OR10R2: variants seen among roughly 807,000 people sequenced by gnomAD.
The protein encoded by OR10R2 is olfactory receptor 10R2.
OR10R2 carries 1 observed loss-of-function variant against 2.4 expected under a neutral mutation model. That is an observed-to-expected ratio of 0.41 (90% confidence interval 0.15 to 1.95). The LOEUF (loss-of-function observed/expected upper bound fraction) is 1.95, where lower values mean the gene tolerates loss of function less well. Ranked by LOEUF, OR10R2 falls within the 30% of genes most tolerant of loss-of-function variation. The pLI is 0.30. For missense variants in OR10R2, 419 were observed against 373.0 expected (o/e 1.12, Z -1.01); for synonymous variants, 166 against 144.8 (o/e 1.15, Z -1.05).
chr1:158,473,774 T>TCCTTCCTC lies in OR10R2; in HGVS notation c.27+1425_27+1426insTCCTCCCT, dbSNP rs1557874930. On this transcript the variant is annotated intron_variant, in intron 1 of 1. Coordinates refer to ENST00000641067, the Ensembl canonical transcript of OR10R2. ...CTTTCTTTATCCTTCCTTCCTTCCT[T>TCCTTCCTC]CCTCCCTCCTTCCCTCTTTCCCTCT... Among the ~76,000 whole-genome samples, 16 of 34,244 alleles carry TCCTTCCTC rather than the reference T, an allele frequency of 4.7e-4. 1 individual carries two copies. The highest frequency in any genetic ancestry group is 1.3e-3 in the East Asian group (2 of 1,552). The allele number at this position is 34,244 out of a possible 152,430, so 22.5% of individuals were successfully genotyped here.
At chr1:158,474,711 GCA>G (rs1341351746) in intron 1 of OR10R2, 1 of 152,154 alleles carries the variant, frequency 6.6e-6, no homozygotes, top group Non-Finnish European at 1.5e-5. Context: ...CACCTAGTAT[GCA>G]TGCACACATA....
chr1:158,480,284 G>A (rs1404738861), exon 2 of OR10R2: 4 of 1,613,968 alleles, frequency 2.5e-6, no homozygotes, highest in Non-Finnish European at 3.4e-6. Context: ...CTGCTATTGG[G>A]TGTGATGGGT....
intron 1 of OR10R2, among the ~76,000 whole-genome samples, chr1:158,476,547 CAAAA>C (rs11291030): frequency 1.8e-5 from 2 of 110,032 alleles, no homozygotes; most frequent in Admixed American, 9.8e-5. Context: ...GACTCCATCT[CAAAA>C]AAAAAAAAAA....
At chr1:158,475,571 T>C (rs976108103) in intron 1 of OR10R2, among the ~76,000 whole-genome samples, 2 of 151,820 alleles carry the variant, frequency 1.3e-5, no homozygotes, top group South Asian at 4.2e-4. Flanking sequence ...CTTTTATCTG[T>C]TTTCTTCTTC....
At chr1:158,480,367 C>T (rs770457499) in exon 2 of OR10R2, 4 of 1,614,106 alleles carry the variant, frequency 2.5e-6, no homozygotes, top group Middle Eastern at 1.6e-4. Flanking sequence ...GTGTGGAAAA[C>T]TGGCAGCTGC....
At chr1:158,480,517 G>A in exon 2 of OR10R2, 4 of 1,613,580 alleles carry the variant, frequency 2.5e-6, no homozygotes, top group South Asian at 2.2e-5. Flanking sequence ...CAACACAGAT[G>A]TTAACGAATT....
exon 2 of OR10R2, chr1:158,480,796 C>G: frequency 6.2e-7 from 1 of 1,613,390 alleles, no homozygotes; most frequent in Non-Finnish European, 8.5e-7. Context: ...ATTACTAAAC[C>G]CCATGGTTTA....
intron 1 of OR10R2, among the ~76,000 whole-genome samples, chr1:158,478,487 T>C (rs1017559417): frequency 4.6e-5 from 7 of 152,210 alleles, no homozygotes; most frequent in Non-Finnish European, 1.0e-4. Context: ...TTGTCTTCTC[T>C]TATACTAAGA....
At chr1:158,475,847 A>T (rs1005022673) in intron 1 of OR10R2, among the ~76,000 whole-genome samples, 1 of 151,894 alleles carries the variant, frequency 6.6e-6, no homozygotes, top group African/African-American at 2.4e-5. Context: ...TTTTATTAAC[A>T]TATAAATTTT....
exon 2 of OR10R2, chr1:158,480,516 T>G: frequency 1.2e-6 from 2 of 1,613,616 alleles, no homozygotes; most frequent in Non-Finnish European, 1.7e-6. Context: ...CCAACACAGA[T>G]GTTAACGAAT....
At chr1:158,474,515 A>T (rs1255407700) in intron 1 of OR10R2, 2 of 152,312 alleles carry the variant, frequency 1.3e-5, no homozygotes, top group East Asian at 3.9e-4. Flanking sequence ...AAGATTCCAT[A>T]GTTCTGGCTC....
intron 1 of OR10R2, among the ~76,000 whole-genome samples, chr1:158,479,062 T>C (rs898629299): frequency 1.3e-5 from 2 of 152,296 alleles, no homozygotes; most frequent in African/African-American, 4.8e-5. Context: ...CAACTTACAA[T>C]TGTTTCTATC....
At chr1:158,472,991 G>T (rs1656192085) in intron 1 of OR10R2, among the ~76,000 whole-genome samples, 1 of 152,148 alleles carries the variant, frequency 6.6e-6, no homozygotes, top group South Asian at 2.1e-4. Context: ...CTAAGATTCA[G>T]GAGGATTAAT....
chr1:158,473,162 G>A (rs887023696), intron 1 of OR10R2, among the ~76,000 whole-genome samples: 3 of 152,104 alleles, frequency 2.0e-5, no homozygotes, highest in Non-Finnish European at 4.4e-5. Flanking sequence ...ATTTATTTAG[G>A]TATTAATTTG....
At chr1:158,473,165 T>C (rs1656194713) in intron 1 of OR10R2, among the ~76,000 whole-genome samples, 1 of 152,222 alleles carries the variant, frequency 6.6e-6, no homozygotes, top group Non-Finnish European at 1.5e-5. Flanking sequence ...TATTTAGGTA[T>C]TAATTTGCTT....
In OR10R2 at chr1:158,480,761, C is replaced by T. The variant is rs142790175; in HGVS notation, c.851C>T (p.Thr284Met). ...GTGTCCAACAAAGACAGGCTGGTGA[C>T]GGTGACATACACGATTGTCACTCCA... Residue 284 changes from threonine to methionine, a missense_variant, in exon 2 of 2, where the codon ACG becomes ATG. Transcript: ENST00000641067. 929 of 1,613,266 alleles carry T rather than the reference C, an allele frequency of 5.8e-4. 3 individuals carry two copies. The highest frequency in any genetic ancestry group is 7.0e-4 in the Non-Finnish European group (829 of 1,179,402).
intron 1 of OR10R2, 198 bp from the exon 2 acceptor site, chr1:158,479,740 G>A (rs546752821): frequency 1.6e-6 from 1 of 613,588 alleles, no homozygotes; most frequent in Admixed American, 3.1e-5. Context: ...GTCAGAGAAA[G>A]AGATGTAACT....
At chr1:158,480,229 G>T (rs750513930) in exon 2 of OR10R2, 1 of 1,613,746 alleles carries the variant, frequency 6.2e-7, no homozygotes, top group Admixed American at 1.7e-5. Flanking sequence ...CAACTGTTGT[G>T]CTCTTCAAAT....
chr1:158,474,593 G>T (rs36123399), intron 1 of OR10R2: 28,624 of 152,110 alleles, frequency 0.19, 2,825 homozygotes, highest in South Asian at 0.22. Context: ...GAAAAAGAAA[G>T]TTCATTCTCC....
Sources: gnomAD v4.1 joint callset for allele counts (sites outside exome capture counted in the v4.1 genomes callset) on GRCh38, gnomAD v4.1.1 for gene constraint, MANE v1.5 for transcripts, NCBI Gene and HGNC (gene_info 2026-07-23, HGNC 2026-07-21) for gene names.